The following PRSS38 variants were observed in gnomAD, a reference collection of about 807,000 sequenced individuals.
The protein encoded by PRSS38 is serine protease 38.
PRSS38 carries 22 observed loss-of-function variants against 26.8 expected under a neutral mutation model. The observed-to-expected ratio is 0.82, with a 90% CI of 0.59 to 1.17. The LOEUF is 1.17. Among genes scored for constraint, PRSS38 ranks in the 50% most tolerant of loss-of-function variants. The probability of loss-of-function intolerance (pLI) is 0.00; values close to 1 mark genes in which losing one functional copy is unlikely to be tolerated. For synonymous variants in PRSS38, 175 were observed against 172.1 expected (o/e 1.02, Z -0.13); for missense variants, 427 against 422.7 (o/e 1.01, Z -0.09).
chr1:227,826,119 A>T (rs1329827769), intron 3 of PRSS38, among the ~76,000 whole-genome samples: 43 of 151,972 alleles, frequency 2.8e-4, no homozygotes, highest in Non-Finnish European at 1.5e-5. Context: ...CTGTATTCCT[A>T]GGTATTTTAT....
At position 227,816,470 on chromosome 1, in the gene PRSS38, G is replaced by A. The variant is rs1346092292; in HGVS notation, c.311+218G>A. On this transcript the variant is annotated intron_variant, in intron 2 of 4. Transcript: ENST00000366757. The surrounding 1 kb of genome is among the most constrained non-coding windows in gnomAD (Gnocchi z 5.1). Reference sequence around the variant, plus strand: ...GGCTGGTCCCCCAAGTGCACAGCCAGGTCCTCAAGAGTGATGCTGGTCCCC... The same window carrying A: ...GGCTGGTCCCCCAAGTGCACAGCCAAGTCCTCAAGAGTGATGCTGGTCCCC... Among the ~76,000 whole-genome samples the A allele has an allele frequency of 6.6e-6, 1 of 152,054 alleles. No individual in the cohort carries two copies. The highest frequency in any genetic ancestry group is 2.4e-5 in the African/African-American group (1 of 41,394).
intron 3 of PRSS38, among the ~76,000 whole-genome samples, chr1:227,845,209 T>TC (rs1665407677): frequency 6.9e-6 from 1 of 145,450 alleles, no homozygotes; most frequent in Non-Finnish European, 1.5e-5. Flanking sequence ...CTATGTGTGG[T>TC]GGGGCTCCTC....
intron 3 of PRSS38, among the ~76,000 whole-genome samples, chr1:227,821,563 C>T (rs567705416): frequency 5.3e-5 from 8 of 152,044 alleles, no homozygotes; most frequent in Non-Finnish European, 1.2e-4. Flanking sequence ...TATCCGTGAA[C>T]GACTTAATTT....
chr1:227,819,393 A>T (rs757708182), intron 3 of PRSS38, among the ~76,000 whole-genome samples: 1 of 152,196 alleles, frequency 6.6e-6, no homozygotes, highest in Non-Finnish European at 1.5e-5. Context: ...TCCTTTGGTC[A>T]TGTTACAGGC....
rs756194454 is a variant in PRSS38, at chr1:227,815,858, A to G, written c.142A>G (p.Ser48Gly). ...GAACCAGGGAATCTCCCTAACTGGC[A>G]GCGTGGGTAGGCCCTGCCCCAGGGG... Residue 48 changes from serine (S) to glycine (G), a missense_variant, in exon 1 of 5, where the codon AGC becomes GGC. Transcript: ENST00000366757. 1.8e-5 allele frequency: 29 copies of G among 1,605,474 alleles called. No individual in the cohort carries two copies. The highest frequency in any genetic ancestry group is 1.7e-4 in the Middle Eastern group (1 of 6,050).
At chr1:227,826,991 C>G (rs376844008) in intron 3 of PRSS38, among the ~76,000 whole-genome samples, 1 of 152,114 alleles carries the variant, frequency 6.6e-6, no homozygotes, top group Non-Finnish European at 1.5e-5. Flanking sequence ...TATTGACTTG[C>G]GTATGTCGAA....
chr1:227,831,186 C>T (rs1302459632), intron 3 of PRSS38, among the ~76,000 whole-genome samples: 1 of 152,058 alleles, frequency 6.6e-6, no homozygotes, highest in Non-Finnish European at 1.5e-5. Flanking sequence ...TCCCTCTATG[C>T]ACTGTTTTAA....
chr1:227,817,134 G>T (rs942379733), intron 2 of PRSS38, 75 bp from the exon 3 acceptor site: 1 of 1,495,036 alleles, frequency 6.7e-7, no homozygotes, highest in Non-Finnish European at 9.1e-7. Flanking sequence ...AGCCCCTTGC[G>T]CTTGGCCTCC....
intron 3 of PRSS38, among the ~76,000 whole-genome samples, chr1:227,824,340 G>T (rs1201469362): frequency 6.6e-6 from 1 of 152,130 alleles, no homozygotes; most frequent in Non-Finnish European, 1.5e-5. Context: ...TTCTGTTCCT[G>T]CGTTAGTTTG....
intron 3 of PRSS38, among the ~76,000 whole-genome samples, chr1:227,837,523 T>C (rs998159185): frequency 6.6e-6 from 1 of 151,898 alleles, no homozygotes; most frequent in Non-Finnish European, 1.5e-5. Context: ...TTGCCATCAG[T>C]GTTTAGGTCA....
In PRSS38 at chr1:227,845,110, C is replaced by T. The variant is rs1572093039; in HGVS notation, c.584-360C>T. Among the ~76,000 whole-genome samples, 7 of 147,442 alleles carry T rather than the reference C, an allele frequency of 4.7e-5. No individual in the cohort carries two copies. The South Asian group carries it at 1.5e-3, about 32-fold the overall frequency. Reference sequence around the variant, plus strand: ...CCCTATGTGTGGTCAGGACTCCTCCCTATGTGTGGTGGGGCTCCTCCCTAT... The same window carrying T: ...CCCTATGTGTGGTCAGGACTCCTCCTTATGTGTGGTGGGGCTCCTCCCTAT... On this transcript the variant is annotated intron_variant, in intron 3 of 4. Transcript: ENST00000366757.
intron 3 of PRSS38, among the ~76,000 whole-genome samples, chr1:227,837,712 G>A (rs928977140): frequency 6.6e-6 from 1 of 152,180 alleles, no homozygotes; most frequent in African/African-American, 2.4e-5. Context: ...AATCCCGTGA[G>A]CAATGTAGGA....
chr1:227,817,980 T>C (rs1664947596), intron 3 of PRSS38, among the ~76,000 whole-genome samples: 2 of 152,230 alleles, frequency 1.3e-5, no homozygotes, highest in Admixed American at 1.3e-4. Context: ...AGTCATCTTA[T>C]AGAATTTATT....
chr1:227,832,169 C>T (rs80341125), intron 3 of PRSS38, among the ~76,000 whole-genome samples: 5,358 of 152,242 alleles, frequency 0.035, 299 homozygotes, highest in African/African-American at 0.12. Flanking sequence ...TTTTCACTTT[C>T]AATCTATATA....
chr1:227,823,985 G>T (rs1420772657), intron 3 of PRSS38, among the ~76,000 whole-genome samples: 1 of 152,134 alleles, frequency 6.6e-6, no homozygotes, highest in African/African-American at 2.4e-5. Context: ...TGGGACTGCT[G>T]GATTGAATGG....
intron 3 of PRSS38, among the ~76,000 whole-genome samples, chr1:227,842,715 G>A (rs1474171626): frequency 6.6e-6 from 1 of 152,014 alleles, no homozygotes; most frequent in Non-Finnish European, 1.5e-5. Context: ...TGAGTAGCTG[G>A]GATTACAGGC....
intron 3 of PRSS38, among the ~76,000 whole-genome samples, chr1:227,824,219 C>G (rs1163608419): frequency 6.6e-6 from 1 of 152,152 alleles, no homozygotes; most frequent in Non-Finnish European, 1.5e-5. Flanking sequence ...TGCTTTCCCT[C>G]CCTCTATCCC....
rs1053809277 is a variant in PRSS38 at position 227,835,540 on chromosome 1, T to G, written c.584-9930T>G. Among the ~76,000 whole-genome samples the G allele has an allele frequency of 4.6e-5, 7 of 152,230 alleles. No individual in the cohort carries two copies. The East Asian group carries it at 1.3e-3, about 29-fold the overall frequency. On this transcript the variant is annotated intron_variant, in intron 3 of 4. Transcript: ENST00000366757. The stretch of plus-strand genomic sequence containing the variant: ...ACATGTGTGTTCATAGCAGCACTAT[T>G]CACGTAGCCAAAAGGTGGAAACAGC...
chr1:227,845,820 G>A, intron 4 of PRSS38, 134 bp from the exon 5 acceptor site: 2 of 1,336,932 alleles, frequency 1.5e-6, no homozygotes, highest in Non-Finnish European at 2.1e-6. Context: ...CCAGTAGGGA[G>A]GCTGGGTGAG....
Sources: gnomAD v4.1 joint callset for allele counts (sites outside exome capture counted in the v4.1 genomes callset) on GRCh38, gnomAD v4.1.1 for gene constraint, Gnocchi (gnomAD v3.1) non-coding constraint, MANE v1.5 for transcripts, NCBI Gene and HGNC (gene_info 2026-07-23, HGNC 2026-07-21) for gene names.